Variants in FKBP5 observed in about 807,000 individuals in gnomAD.
FKBP5 encodes the protein peptidyl-prolyl cis-trans isomerase FKBP5.
A neutral mutation model predicts 50.5 loss-of-function variants in FKBP5; 23 were observed. The ratio of observed to expected loss-of-function variants is 0.46; its 90% CI spans 0.33 to 0.65. FKBP5 has a LOEUF of 0.65. Ranked by LOEUF, FKBP5 falls within the 30% of genes least tolerant of loss-of-function variation. The probability of loss-of-function intolerance (pLI) is 0.02; values close to 1 mark genes in which losing one functional copy is unlikely to be tolerated. For synonymous variants in FKBP5, 176 were observed against 190.6 expected, an observed-to-expected ratio of 0.92 and a Z score of 0.63; for missense variants, 411 against 553.1, an observed-to-expected ratio of 0.74 and a Z score of 2.58.
intron 5 of FKBP5, chr6:35,607,891 GC>G: frequency 5.6e-6 from 1 of 177,866 alleles, no homozygotes. Context: ...GAGGAGCTGA[GC>G]AATGTCCTGG....
rs534792835 is a variant in FKBP5 at position 35,643,460 on chromosome 6, G to A, written c.-19-617C>T. On this transcript the variant is annotated intron_variant, in intron 1 of 10. Coordinates refer to ENST00000357266, the MANE Select transcript of FKBP5 (RefSeq NM_004117.4). The stretch of plus-strand genomic sequence containing the variant: ...TTTAACCATTTATCATCATTATTGG[G>A]CCTTCTGTAGGGTCATTTTTCATCT... Among the ~76,000 whole-genome samples, 9 of 152,170 alleles carry A rather than the reference G, an allele frequency of 5.9e-5. No individual in the cohort carries two copies. In the South Asian group the frequency reaches 1.5e-3, roughly 25 times the overall value.
intron 3 of FKBP5, 109 bp downstream of exon 3, chr6:35,636,905 A>G: frequency 2.0e-6 from 2 of 990,326 alleles, no homozygotes; most frequent in Non-Finnish European, 2.8e-6. Flanking sequence ...TTTGAGTACT[A>G]CTACTCTAAA....
upstream of FKBP5, among the ~76,000 whole-genome samples, chr6:35,690,497 A>T (rs1178763785): frequency 6.6e-6 from 1 of 151,814 alleles, no homozygotes; most frequent in Non-Finnish European, 1.5e-5. Flanking sequence ...ATGTCTGCAG[A>T]AAAGACAAAT....
chr6:35,596,801 C>A (rs978774606), intron 6 of FKBP5, among the ~76,000 whole-genome samples: 1 of 151,090 alleles, frequency 6.6e-6, no homozygotes, highest in African/African-American at 2.4e-5. Context: ...GAAGAATGTG[C>A]TTTTTTTTTC....
chr6:35,621,848 C>T (rs972471846), intron 3 of FKBP5, among the ~76,000 whole-genome samples: 1 of 151,664 alleles, frequency 6.6e-6, no homozygotes. Context: ...ATGAGCCAGG[C>T]GTGGTGGTGC....
chr6:35,601,015 G>T (rs748258226), intron 5 of FKBP5, among the ~76,000 whole-genome samples: 46 of 152,140 alleles, frequency 3.0e-4, no homozygotes, highest in Middle Eastern at 3.2e-3. Context: ...GCATAATTAA[G>T]AAAGCAAAAC....
intron 2 of FKBP5, among the ~76,000 whole-genome samples, chr6:35,715,967 A>G (rs547052825): frequency 2.6e-5 from 4 of 152,258 alleles, no homozygotes; most frequent in African/African-American, 9.6e-5. Context: ...GATTGGATGG[A>G]AAGGATAGGG....
chr6:35,582,181 T>A, intron 8 of FKBP5: 2 of 985,398 alleles, frequency 2.0e-6, no homozygotes, highest in Non-Finnish European at 2.4e-6. Flanking sequence ...AGACTGGCAC[T>A]AAAATCAAAG....
intron 5 of FKBP5, among the ~76,000 whole-genome samples, chr6:35,609,919 C>T (rs1763437742): frequency 6.6e-6 from 1 of 152,102 alleles, no homozygotes; most frequent in African/African-American, 2.4e-5. Flanking sequence ...TTTTAAGGTT[C>T]TCTTCTACTT....
At chr6:35,607,338 C>T (rs773696524) in intron 5 of FKBP5, among the ~76,000 whole-genome samples, 11 of 149,702 alleles carry the variant, frequency 7.3e-5, no homozygotes, top group South Asian at 2.1e-4. Flanking sequence ...CCTGAGTAGC[C>T]GGCACTACAG....
intron 5 of FKBP5, among the ~76,000 whole-genome samples, chr6:35,601,710 T>C (rs1763149489): frequency 6.6e-6 from 1 of 152,046 alleles, no homozygotes; most frequent in Non-Finnish European, 1.5e-5. Flanking sequence ...TCACTGGGAG[T>C]GCAGCCTGTA....
At chr6:35,727,793 G>A (rs528123977) in intron 1 of FKBP5, among the ~76,000 whole-genome samples, 563 of 152,316 alleles carry the variant, frequency 3.7e-3, no homozygotes, top group Non-Finnish European at 6.2e-3. Flanking sequence ...GCTGGCGGCA[G>A]CCTGGGTGGC....
chr6:35,676,754 G>T (rs1314917680), intron 1 of FKBP5, among the ~76,000 whole-genome samples: 1 of 152,068 alleles, frequency 6.6e-6, no homozygotes, highest in African/African-American at 2.4e-5. Flanking sequence ...ACTGGGTCTT[G>T]GTTTGTACCA....
chr6:35,617,132 T>G (rs963898473), intron 5 of FKBP5, among the ~76,000 whole-genome samples: 4 of 152,068 alleles, frequency 2.6e-5, no homozygotes, highest in Non-Finnish European at 5.9e-5. Context: ...CATTTAAAGC[T>G]CTTCATGTAT....
intron 5 of FKBP5, among the ~76,000 whole-genome samples, chr6:35,605,472 C>T (rs1442684774): frequency 2.1e-5 from 3 of 141,884 alleles, no homozygotes; most frequent in African/African-American, 7.8e-5. Context: ...CATAACTCAC[C>T]GAAGCCTGTA....
chr6:35,613,417 T>C (rs914532932), intron 5 of FKBP5, among the ~76,000 whole-genome samples: 1 of 152,208 alleles, frequency 6.6e-6, no homozygotes, highest in Non-Finnish European at 1.5e-5. Context: ...GGTTTTGCCA[T>C]GTTGGCCAGA....
intron 6 of FKBP5, among the ~76,000 whole-genome samples, chr6:35,596,533 G>A (rs752849530): frequency 8.6e-5 from 13 of 152,004 alleles, no homozygotes; most frequent in Non-Finnish European, 1.9e-4. Flanking sequence ...GGAGCCGGAG[G>A]GAGGATACAC....
In FKBP5 at chr6:35,642,533, AC is replaced by A. The variant is rs747121584; in HGVS notation, c.105+186del. Among the ~76,000 whole-genome samples, 4 of 152,362 alleles carry A rather than the reference AC, an allele frequency of 2.6e-5. No individual in the cohort carries two copies. In the East Asian group the frequency reaches 7.7e-4, roughly 29 times the overall value. The stretch of plus-strand genomic sequence containing the variant: ...CAGGAGCTCAAGACCAGCCTGGGCA[AC>A]ATAACGAGACTCAACTCTTAAAAAA... On this transcript the variant is annotated intron_variant, in intron 2 of 10. Coordinates refer to ENST00000357266, the MANE Select transcript of FKBP5 (RefSeq NM_004117.4).
At chr6:35,584,749 T>C in intron 8 of FKBP5, 5 of 985,436 alleles carry the variant, frequency 5.1e-6, no homozygotes, top group Non-Finnish European at 6.0e-6. Context: ...CATTAATTTT[T>C]CCCCAATGGA....
Sources: allele counts gnomAD v4.1 joint callset (sites outside exome capture counted in the v4.1 genomes callset), GRCh38; gene constraint gnomAD v4.1.1; transcripts MANE v1.5; gene names NCBI Gene and HGNC (gene_info 2026-07-23, HGNC 2026-07-21).